The following IFT122 variants were observed in gnomAD, a reference collection of about 807,000 sequenced individuals.
IFT122 encodes the protein intraflagellar transport protein 122 homolog.
IFT122 carries 118 observed loss-of-function variants against 161.6 expected under a neutral mutation model. The observed-to-expected ratio is 0.73, with a 90% CI of 0.63 to 0.85. The LOEUF (loss-of-function observed/expected upper bound fraction) is 0.85, where lower values mean the gene tolerates loss of function less well. IFT122 is among the 40% of genes least tolerant of loss of function. IFT122 has a pLI of 0.00. For missense variants in IFT122, 1,381 were observed against 1,579.6 expected, an observed-to-expected ratio of 0.87 and a Z score of 2.13; for synonymous variants, 550 against 602.4, an observed-to-expected ratio of 0.91 and a Z score of 1.27.
Position 129,478,115 on chromosome 3 carries a change from C to A in IFT122, c.1247C>A (p.Ser416Ter), listed in dbSNP as rs1339230721. Residue 416 changes from serine to a stop codon, truncating the protein, a stop_gained, in exon 12 of 30, where the codon TCA (serine) becomes TAA (stop). Coordinates refer to ENST00000348417, the MANE Select transcript of IFT122 (RefSeq NM_052989.3). LOFTEE classifies it high-confidence loss of function. The part of the protein sequence containing the change: ...PEKILIYELY[S>*]EDLSDMHYRV... ...AAAATCCTCATCTATGAGTTGTATTCAGAGGACTTATCAGACATGCATTAC... is the reference window on the plus strand; with the variant it reads ...AAAATCCTCATCTATGAGTTGTATTAAGAGGACTTATCAGACATGCATTAC... 1 of 1,614,032 alleles carries A rather than the reference C, an allele frequency of 6.2e-7. No individual in the cohort carries two copies. Among genetic ancestry groups the A allele is most frequent in the Non-Finnish European group, 8.5e-7 (1 of 1,179,856 alleles).
chr3:129,492,315 C>T, intron 17 of IFT122, 121 bp downstream of exon 17: 2 of 829,274 alleles, frequency 2.4e-6, no homozygotes, highest in African/African-American at 1.7e-5. Flanking sequence ...GGCGTCTGGG[C>T]ATCTGGGCCA....
intron 18 of IFT122, among the ~76,000 whole-genome samples, chr3:129,497,848 T>C (rs2081069068): frequency 6.6e-6 from 1 of 152,174 alleles, no homozygotes; most frequent in African/African-American, 2.4e-5. Flanking sequence ...TACTTGAAAA[T>C]TGCTTCCCAA....
intron 11 of IFT122, among the ~76,000 whole-genome samples, chr3:129,477,143 G>A (rs1449523036): frequency 6.6e-6 from 1 of 152,118 alleles, no homozygotes; most frequent in Non-Finnish European, 1.5e-5. Flanking sequence ...GGTCTTCGTG[G>A]ACCTTTATCC....
At chr3:129,457,964 T>G (rs2075731159) in intron 3 of IFT122, 1 of 156,700 alleles carries the variant, frequency 6.4e-6, no homozygotes, top group Admixed American at 6.5e-5. Flanking sequence ...GGTCTCGATC[T>G]CCTGACCTCG....
intron 15 of IFT122, among the ~76,000 whole-genome samples, chr3:129,485,838 G>A (rs1432151398): frequency 6.6e-6 from 1 of 152,226 alleles, no homozygotes; most frequent in Non-Finnish European, 1.5e-5. Context: ...GACTGCCAAG[G>A]GTTAGGAAAC....
At chr3:129,481,373 C>T (rs983406729) in intron 13 of IFT122, 157 bp from the exon 14 acceptor site, 2 of 720,106 alleles carry the variant, frequency 2.8e-6, no homozygotes, top group East Asian at 2.8e-5. Context: ...CCCCCCACCC[C>T]CCTCTTTCTT....
intron 3 of IFT122, among the ~76,000 whole-genome samples, chr3:129,455,680 C>G (rs185818286): frequency 9.9e-4 from 150 of 152,048 alleles, no homozygotes; most frequent in Non-Finnish European, 1.9e-3. Flanking sequence ...CTGAACCCCC[C>G]AAAACTTTAC....
intron 29 of IFT122, among the ~76,000 whole-genome samples, 185 bp downstream of exon 29, chr3:129,519,917 C>T (rs1355164863): frequency 6.6e-6 from 1 of 152,160 alleles, no homozygotes; most frequent in Non-Finnish European, 1.5e-5. Context: ...CTTCACTGGC[C>T]CCTGCGCTGT....
At chr3:129,443,433 C>A (rs2073538646) in intron 1 of IFT122, among the ~76,000 whole-genome samples, 1 of 152,194 alleles carries the variant, frequency 6.6e-6, no homozygotes, top group Non-Finnish European at 1.5e-5. Flanking sequence ...AGACTGCCTG[C>A]AAATGAGTGA....
intron 22 of IFT122, among the ~76,000 whole-genome samples, chr3:129,507,154 T>A (rs975234477): frequency 7.2e-5 from 11 of 152,200 alleles, no homozygotes; most frequent in Admixed American, 1.3e-4. Context: ...CTTGTCCTGG[T>A]CCCTTTGGTT....
intron 12 of IFT122, 49 bp from the exon 13 acceptor site, chr3:129,479,736 G>A (rs1283537113): frequency 6.2e-7 from 1 of 1,612,472 alleles, no homozygotes; most frequent in Admixed American, 1.7e-5. Flanking sequence ...GGAGGTCTGG[G>A]GGCACTTATT....
chr3:129,517,301 C>CAG (rs55947553), intron 26 of IFT122, among the ~76,000 whole-genome samples, 168 bp from the exon 27 acceptor site: 23 of 125,466 alleles, frequency 1.8e-4, no homozygotes, highest in African/African-American at 4.7e-4. Flanking sequence ...CACACACACA[C>CAG]AGAGACTGCT....
Position 129,476,405 on chromosome 3 carries a change from C to T in IFT122, c.907C>T (p.Gln303Ter), listed in dbSNP as rs1296964584. The change falls in exon 10 of 30, where the codon CAA becomes TAA. Residue 303 changes from glutamine to a stop codon, truncating the protein, a stop_gained. Coordinates refer to ENST00000348417, the MANE Select transcript of IFT122 (RefSeq NM_052989.3). LOFTEE classifies it high-confidence loss of function. ...EYILLGGSDKQVSLFTKDGVR... is the reference protein window; with the variant it reads ...EYILLGGSDK ...CATTTTGCTGGGGGGTTCAGACAAG[C>T]AAGTATCTCTTTTCACCAAGGATGG... 1.2e-6 allele frequency: 2 copies of T among 1,613,992 alleles called. No individual in the cohort carries two copies. Among genetic ancestry groups the T allele is most frequent in the Non-Finnish European group, 1.7e-6 (2 of 1,180,030 alleles).
At chr3:129,496,281 C>T in intron 18 of IFT122, among the ~76,000 whole-genome samples, 1 of 152,020 alleles carries the variant, frequency 6.6e-6, no homozygotes, top group Non-Finnish European at 1.5e-5. Context: ...GGACCAGGCT[C>T]CTGATGGCTT....
At chr3:129,499,235 A>C (rs565019473) in intron 18 of IFT122, among the ~76,000 whole-genome samples, 1 of 152,218 alleles carries the variant, frequency 6.6e-6, no homozygotes, top group Non-Finnish European at 1.5e-5. Flanking sequence ...AACCAGAGAG[A>C]TGTTTGCTTG....
At chr3:129,440,402 G>C (rs1338630289) in intron 1 of IFT122, 31 bp downstream of exon 1, 31 of 1,549,746 alleles carry the variant, frequency 2.0e-5, no homozygotes, top group Non-Finnish European at 2.7e-5. Flanking sequence ...CGAAGAGCAG[G>C]AGGTCGAGTC....
Position 129,495,613 on chromosome 3 carries a change from C to T in IFT122, c.2208+6C>T, listed in dbSNP as rs372799999. ...GCATGTTTGAGTATGCCAAGGTAAC[C>T]TACCCTGTCCCAGGCCCAAGCTCCA... On this transcript the variant is annotated splice_donor_region_variant and intron_variant, in intron 18 of 29. Coordinates refer to ENST00000348417, the MANE Select transcript of IFT122 (RefSeq NM_052989.3). 1.2e-6 allele frequency: 2 copies of T among 1,614,160 alleles called. No individual in the cohort carries two copies. The highest frequency in any genetic ancestry group is 2.2e-5 in the South Asian group (2 of 91,074).
At chr3:129,478,679 C>T (rs2078269139) in intron 12 of IFT122, among the ~76,000 whole-genome samples, 1 of 152,072 alleles carries the variant, frequency 6.6e-6, no homozygotes, top group South Asian at 2.1e-4. Context: ...TGCTTGAACC[C>T]AGGAGTTTGA....
chr3:129,461,431 C>T (rs2076206379), intron 5 of IFT122, 127 bp downstream of exon 5: 12 of 752,684 alleles, frequency 1.6e-5, no homozygotes, highest in African/African-American at 3.4e-5. Context: ...CCTTCAATGG[C>T]TGAGGGGAGG....
Sources: gnomAD v4.1 joint callset for allele counts (sites outside exome capture counted in the v4.1 genomes callset) on GRCh38, gnomAD v4.1.1 for gene constraint, MANE v1.5 for transcripts, NCBI Gene and HGNC (gene_info 2026-07-23, HGNC 2026-07-21) for gene names.